PUDP: variants seen among roughly 807,000 people sequenced by gnomAD.
PUDP encodes the protein pseudouridine 5'-phosphatase.
In PUDP, 8 loss-of-function variants were observed where a neutral mutation model predicts 9.4. That is an observed-to-expected ratio of 0.85 (90% CI 0.50 to 1.53). The LOEUF (loss-of-function observed/expected upper bound fraction) is 1.53. Ranked by LOEUF, PUDP falls within the 40% of genes most tolerant of loss-of-function variation. PUDP has a pLI of 0.00. For missense variants in PUDP, 188 were observed against 189.7 expected (o/e 0.99, Z 0.05); for synonymous variants, 99 against 80.7 (o/e 1.23, Z -1.22).
At chrX:6,766,704 C>T (rs1925289826) in intron 3 of PUDP, among the ~76,000 whole-genome samples, 1 of 111,742 alleles carries the variant, frequency 8.9e-6, no homozygotes, top group African/African-American at 3.3e-5. Context: ...TTTCTATCCA[C>T]ACAAAGATCT....
intron 3 of PUDP, among the ~76,000 whole-genome samples, chrX:6,755,262 C>T (rs1434331344): frequency 3.6e-5 from 4 of 111,627 alleles, no homozygotes; most frequent in African/African-American, 1.3e-4. Flanking sequence ...CTCATAAGAA[C>T]CTAGCCAATG....
At chrX:6,851,114 T>G (rs1403558122) in intron 3 of PUDP, among the ~76,000 whole-genome samples, 2 of 112,168 alleles carry the variant, frequency 1.8e-5, no homozygotes, top group Non-Finnish European at 3.8e-5. Context: ...AGACACCTCC[T>G]AGAATCTATC....
At chrX:7,020,635 T>C (rs1027532368) in intron 1 of PUDP, among the ~76,000 whole-genome samples, 1 of 112,489 alleles carries the variant, frequency 8.9e-6, no homozygotes, top group Admixed American at 9.4e-5. Context: ...TGTATTCATT[T>C]TCCCTGTCAT....
intron 3 of PUDP, among the ~76,000 whole-genome samples, chrX:6,926,247 T>G (rs1025999827): frequency 4.5e-5 from 5 of 111,760 alleles, no homozygotes; most frequent in Non-Finnish European, 7.5e-5. Flanking sequence ...AAGAAAGTGC[T>G]CTTGAGAAAG....
chrX:7,062,606 C>T (rs1433688220), intron 3 of PUDP, among the ~76,000 whole-genome samples: 9 of 109,431 alleles, frequency 8.2e-5, no homozygotes, highest in African/African-American at 3.0e-4. Context: ...TGGGGGCAGG[C>T]AGAAGACAAG....
At chrX:6,817,737 T>C (rs1926275151) in intron 3 of PUDP, among the ~76,000 whole-genome samples, 1 of 111,263 alleles carries the variant, frequency 9.0e-6, no homozygotes, top group Admixed American at 9.6e-5. Context: ...TCCTTAATCA[T>C]CTCTCCAGCA....
intron 1 of PUDP, among the ~76,000 whole-genome samples, chrX:7,011,683 C>T (rs560195640): frequency 5.3e-5 from 6 of 112,283 alleles, no homozygotes; most frequent in African/African-American, 1.9e-4. Flanking sequence ...TGCAACTGCC[C>T]GGTAGCATTT....
intron 1 of PUDP, chrX:7,113,156 TC>T (rs2146906871): frequency 8.9e-6 from 1 of 112,252 alleles, no homozygotes; most frequent in South Asian, 3.7e-4. Flanking sequence ...CAGAGGAGGT[TC>T]CCAATGTTGA....
intron 1 of PUDP, among the ~76,000 whole-genome samples, chrX:7,124,049 C>T (rs1218309815): frequency 8.9e-6 from 1 of 112,295 alleles, no homozygotes; most frequent in Non-Finnish European, 1.9e-5. Context: ...ACCATTAAAA[C>T]TTGACAGACA....
At chrX:6,981,096 T>C (rs1929026344) in intron 1 of PUDP, among the ~76,000 whole-genome samples, 1 of 112,164 alleles carries the variant, frequency 8.9e-6, no homozygotes, top group South Asian at 3.7e-4. Flanking sequence ...TTGAATTGGA[T>C]TGAAGCTGAG....
intron 3 of PUDP, among the ~76,000 whole-genome samples, chrX:6,730,106 A>T (rs1273939100): frequency 8.9e-6 from 1 of 111,800 alleles, no homozygotes; most frequent in African/African-American, 3.3e-5. Flanking sequence ...TCCCAACATG[A>T]GTGGAGGTGC....
chrX:7,141,465 G>T (rs1932795081), intron 1 of PUDP, among the ~76,000 whole-genome samples: 1 of 112,963 alleles, frequency 8.9e-6, no homozygotes, highest in African/African-American at 3.2e-5. Flanking sequence ...GGGGACTGAG[G>T]CATGTGAGAA....
At chrX:6,870,354 G>T (rs949642072) in intron 3 of PUDP, among the ~76,000 whole-genome samples, 1 of 111,987 alleles carries the variant, frequency 8.9e-6, no homozygotes, top group African/African-American at 3.2e-5. Context: ...ACTGGTGGAA[G>T]GTAACTGAAT....
intron 1 of PUDP, among the ~76,000 whole-genome samples, chrX:7,035,585 G>C (rs1233881051): frequency 1.8e-5 from 2 of 112,002 alleles, no homozygotes; most frequent in Non-Finnish European, 3.8e-5. Flanking sequence ...TAACCATAAT[G>C]CATCCTTAAA....
intron 2 of PUDP, among the ~76,000 whole-genome samples, chrX:7,101,803 T>G: frequency 9.0e-6 from 1 of 111,450 alleles, no homozygotes; most frequent in East Asian, 2.8e-4. Context: ...AAAACACTCA[T>G]ATGACTAAAA....
chrX:6,954,049 G>A (rs938958234), intron 3 of PUDP, among the ~76,000 whole-genome samples: 1 of 110,147 alleles, frequency 9.1e-6, no homozygotes, highest in Non-Finnish European at 1.9e-5. Flanking sequence ...CCTTGCTGCT[G>A]CCATGTGAAG....
intron 3 of PUDP, among the ~76,000 whole-genome samples, chrX:6,833,042 C>T (rs190477476): frequency 9.3e-6 from 1 of 107,710 alleles, no homozygotes; most frequent in East Asian, 2.8e-4. Context: ...CAAGGCTTAG[C>T]TTAGTATTTA....
chrX:6,897,966 G>A (rs1384896024), intron 3 of PUDP, among the ~76,000 whole-genome samples: 1 of 112,344 alleles, frequency 8.9e-6, no homozygotes, highest in African/African-American at 3.2e-5. Flanking sequence ...TCACATAGAA[G>A]ATGAGATATG....
chrX:6,925,879 T>C (rs4130366), intron 3 of PUDP, among the ~76,000 whole-genome samples: 34,324 of 110,675 alleles, frequency 0.31, 4,558 homozygotes, highest in Non-Finnish European at 0.41. Context: ...TGTAGCAAGA[T>C]TGATGATGGC....
Sources: gnomAD v4.1 joint callset for allele counts (sites outside exome capture counted in the v4.1 genomes callset) on GRCh38, gnomAD v4.1.1 for gene constraint, MANE v1.5 for transcripts, NCBI Gene and HGNC (gene_info 2026-07-23, HGNC 2026-07-21) for gene names.